Variants in FOXO1 observed in about 807,000 individuals in gnomAD.
The protein encoded by FOXO1 is forkhead box protein O1.
A neutral mutation model predicts 44.1 loss-of-function variants in FOXO1; 6 were observed. The observed-to-expected ratio is 0.14, with a 90% CI of 0.07 to 0.27. The LOEUF is 0.27. Among genes scored for constraint, FOXO1 ranks in the 10% least tolerant of loss-of-function variants. The probability of loss-of-function intolerance (pLI) is 1.00; values close to 1 mark genes in which losing one functional copy is unlikely to be tolerated. For missense variants in FOXO1, 737 were observed against 888.8 expected (o/e 0.83, Z 2.17); for synonymous variants, 380 against 362.7 (o/e 1.05, Z -0.54).
At chr13:40,590,187 T>G (rs537092830) in intron 1 of FOXO1, among the ~76,000 whole-genome samples, 1 of 152,282 alleles carries the variant, frequency 6.6e-6, no homozygotes, top group South Asian at 2.1e-4. Flanking sequence ...TCTGGCATAG[T>G]GACGCAAAGA....
intron 1 of FOXO1, among the ~76,000 whole-genome samples, chr13:40,566,122 C>T (rs900512851): frequency 7.9e-5 from 12 of 152,182 alleles, no homozygotes; most frequent in Non-Finnish European, 4.4e-5. Flanking sequence ...GGCCTCCGAG[C>T]TCTGGACACA....
Position 40,653,525 on chromosome 13 carries a change from G to A in FOXO1, c.630+12058C>T, listed in dbSNP as rs543905216. On this transcript the variant is annotated intron_variant, in intron 1 of 2. Transcript: ENST00000379561. Reference sequence around the variant, plus strand: ...GAGGAGACAAAGCCCAGTGCCTCCCGGCCTCAGCTAACTCTTCAGAATACC... The same window carrying A: ...GAGGAGACAAAGCCCAGTGCCTCCCAGCCTCAGCTAACTCTTCAGAATACC... 4.6e-5 allele frequency among the ~76,000 whole-genome samples: 7 copies of A among 152,268 alleles called. 1 individual carries two copies. The East Asian group carries it at 7.7e-4, about 17-fold the overall frequency.
intron 1 of FOXO1, among the ~76,000 whole-genome samples, chr13:40,561,956 A>AG (rs1279154719): frequency 6.6e-5 from 10 of 151,774 alleles, no homozygotes; most frequent in Non-Finnish European, 1.5e-4. Flanking sequence ...AAAAAAAAAA[A>AG]AAAAAAGAAT....
At chr13:40,663,651 TGACTTAA>T (rs1412161597) in intron 1 of FOXO1, among the ~76,000 whole-genome samples, 1 of 152,266 alleles carries the variant, frequency 6.6e-6, no homozygotes, top group South Asian at 2.1e-4. Flanking sequence ...TTCGATTTTG[TGACTTAA>T]TAGAATATAT....
At chr13:40,613,625 C>T (rs918510540) in intron 1 of FOXO1, among the ~76,000 whole-genome samples, 2 of 152,102 alleles carry the variant, frequency 1.3e-5, no homozygotes, top group South Asian at 2.1e-4. Flanking sequence ...ACAGGCACTA[C>T]GAATTTGAAT....
intron 1 of FOXO1, among the ~76,000 whole-genome samples, chr13:40,621,653 T>G (rs974155243): frequency 6.6e-6 from 1 of 152,210 alleles, no homozygotes; most frequent in Non-Finnish European, 1.5e-5. Flanking sequence ...CACAATTCAA[T>G]AGGTTAAAAA....
Position 40,613,983 on chromosome 13 carries a change from C to T in FOXO1, c.630+51600G>A, listed in dbSNP as rs548149494. The stretch of plus-strand genomic sequence containing the variant: ...AGGGTGAAAAAACTAGCACTCAACC[C>T]GGTATTTTAACTACTGGCAGTTGCC... On this transcript the variant is annotated intron_variant, in intron 1 of 2. Coordinates refer to ENST00000379561, the MANE Select transcript of FOXO1 (RefSeq NM_002015.4). Among the ~76,000 whole-genome samples the T allele has an allele frequency of 3.0e-4, 45 of 152,308 alleles. 1 individual carries two copies. The South Asian group carries it at 8.7e-3, about 29-fold the overall frequency.
intron 1 of FOXO1, among the ~76,000 whole-genome samples, chr13:40,653,329 T>G (rs1278413391): frequency 6.6e-6 from 1 of 152,178 alleles, no homozygotes; most frequent in East Asian, 1.9e-4. Flanking sequence ...CCCTTGCCAC[T>G]GCTGCAAGAT....
chr13:40,629,782 G>T (rs1386388757), intron 1 of FOXO1, among the ~76,000 whole-genome samples: 3 of 152,178 alleles, frequency 2.0e-5, no homozygotes, highest in Non-Finnish European at 2.9e-5. Flanking sequence ...TGCTCAGTGG[G>T]TTGTGGGCTT....
chr13:40,582,096 C>CA (rs1400853316), intron 1 of FOXO1, among the ~76,000 whole-genome samples: 2 of 152,178 alleles, frequency 1.3e-5, no homozygotes, highest in Non-Finnish European at 2.9e-5. Context: ...AGAGATACCT[C>CA]AAGTTCACTT....
Position 40,665,952 on chromosome 13 carries a change from G to C in FOXO1, c.261C>G (p.Pro87=), listed in dbSNP as rs1349536823. 1 of 1,226,418 alleles carries C rather than the reference G, an allele frequency of 8.2e-7. No individual in the cohort carries two copies. Among genetic ancestry groups the C allele is most frequent in the Non-Finnish European group, 1.0e-6 (1 of 987,266 alleles). 76.0% of individuals were successfully genotyped at this position (1,226,418 alleles called of 1,614,324 possible). A position where few individuals can be genotyped will look rare whatever the true frequency, so the allele number is the denominator to read the frequency against. The part of the protein sequence containing the change: ...LEESEDFPQA[P]GSVAAAVAAA... ...CCGCCACCGCCGCCGCCACGGAGCC[G>C]GGCGCCTGCGGGAAGTCCTCGCTCT... The change falls in exon 1 of 3, where the codon CCC becomes CCG. Residue 87 remains proline (P), a synonymous_variant. Coordinates refer to ENST00000379561, the MANE Select transcript of FOXO1 (RefSeq NM_002015.4).
At chr13:40,627,687 G>C (rs940783226) in intron 1 of FOXO1, among the ~76,000 whole-genome samples, 1 of 152,012 alleles carries the variant, frequency 6.6e-6, no homozygotes, top group African/African-American at 2.4e-5. Flanking sequence ...ACCAAAATTA[G>C]CCAGGCATGG....
intron 1 of FOXO1, among the ~76,000 whole-genome samples, chr13:40,590,763 CTTTTT>C (rs1335352043): frequency 6.6e-6 from 1 of 150,750 alleles, no homozygotes; most frequent in Non-Finnish European, 1.5e-5. Flanking sequence ...CTTTTTTTTT[CTTTTT>C]TAAGAATATC....
In FOXO1 at chr13:40,573,178, T is replaced by C. The variant is rs144163435; in HGVS notation, c.631-12318A>G. 6.5e-4 allele frequency among the ~76,000 whole-genome samples: 99 copies of C among 152,276 alleles called. 1 individual carries two copies. In the East Asian group the frequency reaches 0.016, roughly 25 times the overall value. On this transcript the variant is annotated intron_variant, in intron 1 of 2. Transcript: ENST00000379561. ...GCTGAGAGCTGCATGTTCATGTCTG[T>C]TTGAAAACTCAGCACCCACTGAGCA... is the stretch of plus-strand genomic sequence containing the variant.
At chr13:40,663,253 G>T (rs936791201) in intron 1 of FOXO1, among the ~76,000 whole-genome samples, 1 of 152,068 alleles carries the variant, frequency 6.6e-6, no homozygotes, top group South Asian at 2.1e-4. Context: ...AAAAAAATCA[G>T]AACAAGAACC....
At chr13:40,628,705 C>A (rs1364464598) in intron 1 of FOXO1, among the ~76,000 whole-genome samples, 1 of 152,184 alleles carries the variant, frequency 6.6e-6, no homozygotes, top group Non-Finnish European at 1.5e-5. Flanking sequence ...GCAGATGAGA[C>A]CTGGTGGGAG....
chr13:40,665,255 T>TG (rs1414905164), intron 1 of FOXO1, among the ~76,000 whole-genome samples: 2 of 151,928 alleles, frequency 1.3e-5, no homozygotes, highest in Non-Finnish European at 1.5e-5. Context: ...GGCCGGGGGT[T>TG]GCCGCTCCCA....
chr13:40,633,558 T>C (rs150278289), intron 1 of FOXO1, among the ~76,000 whole-genome samples: 1 of 152,296 alleles, frequency 6.6e-6, no homozygotes, highest in African/African-American at 2.4e-5. Context: ...TTATACAAAA[T>C]GTTCACAACA....
At chr13:40,599,032 T>C (rs932569328) in intron 1 of FOXO1, among the ~76,000 whole-genome samples, 3 of 152,080 alleles carry the variant, frequency 2.0e-5, no homozygotes, top group Non-Finnish European at 2.9e-5. Flanking sequence ...ATGTACAATG[T>C]TTTGGGGGAA....
Sources: allele counts gnomAD v4.1 joint callset (sites outside exome capture counted in the v4.1 genomes callset), GRCh38; gene constraint gnomAD v4.1.1; transcripts MANE v1.5; gene names NCBI Gene and HGNC (gene_info 2026-07-23, HGNC 2026-07-21).